Variants in RBFOX1 observed in about 807,000 individuals in gnomAD.
The protein encoded by RBFOX1 is RNA binding fox-1 homolog 1.
A neutral mutation model predicts 57.7 loss-of-function variants in RBFOX1; 8 were observed. The ratio of observed to expected loss-of-function variants is 0.14; its 90% CI spans 0.08 to 0.25. The LOEUF (loss-of-function observed/expected upper bound fraction) is 0.25. Ranked by LOEUF, RBFOX1 falls within the 10% of genes least tolerant of loss-of-function variation. The pLI is 1.00. For missense variants in RBFOX1, 611 were observed against 548.5 expected, an observed-to-expected ratio of 1.11 and a Z score of -1.14; for synonymous variants, 326 against 222.4, an observed-to-expected ratio of 1.47 and a Z score of -4.15.
intron 3 of RBFOX1, among the ~76,000 whole-genome samples, chr16:6,797,218 C>G (rs565500726): frequency 1.3e-5 from 2 of 152,244 alleles, no homozygotes; most frequent in South Asian, 2.1e-4. Flanking sequence ...GGAATCTGTC[C>G]AAATTGGCCG....
intron 2 of RBFOX1, among the ~76,000 whole-genome samples, chr16:6,385,521 G>A (rs1022467418): frequency 2.0e-5 from 3 of 152,068 alleles, no homozygotes; most frequent in Admixed American, 1.3e-4. Context: ...CACCACACCC[G>A]GATAATTTTT....
At chr16:6,254,840 C>G (rs937946917) in intron 1 of RBFOX1, among the ~76,000 whole-genome samples, 1 of 152,134 alleles carries the variant, frequency 6.6e-6, no homozygotes, top group African/African-American at 2.4e-5. Flanking sequence ...TGTCCTCTTT[C>G]CTGCCCTGTT....
intron 1 of RBFOX1, among the ~76,000 whole-genome samples, chr16:5,383,174 C>G (rs966640181): frequency 2.0e-4 from 30 of 152,162 alleles, no homozygotes; most frequent in African/African-American, 7.0e-4. Context: ...GGAGACACAG[C>G]CAACAAGTCT....
intron 4 of RBFOX1, among the ~76,000 whole-genome samples, chr16:7,318,453 A>T (rs921913286): frequency 6.6e-6 from 1 of 152,108 alleles, no homozygotes; most frequent in Non-Finnish European, 1.5e-5. Context: ...CTGGCTTCAG[A>T]TTTGGTTCAA....
chr16:6,084,738 G>A (rs8063194), intron 1 of RBFOX1, among the ~76,000 whole-genome samples: 7,784 of 152,002 alleles, frequency 0.051, 450 homozygotes, highest in African/African-American at 0.14. Flanking sequence ...TATTCAGAGG[G>A]CCCACCTCTT....
intron 4 of RBFOX1, among the ~76,000 whole-genome samples, chr16:7,388,277 C>T (rs1305601662): frequency 2.0e-5 from 3 of 152,068 alleles, no homozygotes; most frequent in Non-Finnish European, 4.4e-5. Flanking sequence ...TCGGGAAAAT[C>T]CTCAGAAGAA....
Position 7,258,714 on chromosome 16 carries a change from C to T in RBFOX1, c.27+206616C>T, listed in dbSNP as rs1311087184. The stretch of plus-strand genomic sequence containing the variant: ...GTCATGGTTGCTGTTCTATTAGAGC[C>T]ATTTAATCTCATTTGTCTCCCCATT... On this transcript the variant is annotated intron_variant, in intron 4 of 15. Transcript: ENST00000550418. 2.6e-5 allele frequency among the ~76,000 whole-genome samples: 4 copies of T among 152,128 alleles called. No homozygotes were observed. The East Asian group carries it at 7.7e-4, about 29-fold the overall frequency.
chr16:6,896,672 C>T (rs566520302), intron 3 of RBFOX1, among the ~76,000 whole-genome samples: 25 of 152,258 alleles, frequency 1.6e-4, no homozygotes, highest in Admixed American at 1.4e-3. Flanking sequence ...TCATCAACGC[C>T]ATATAAGTGC....
chr16:7,088,686 G>C (rs937617025), intron 4 of RBFOX1, among the ~76,000 whole-genome samples: 3 of 152,064 alleles, frequency 2.0e-5, no homozygotes, highest in African/African-American at 7.2e-5. Context: ...ATTATGTTTT[G>C]GGAGACAAAT....
At chr16:6,757,858 G>A (rs762970211) in intron 3 of RBFOX1, among the ~76,000 whole-genome samples, 1 of 152,144 alleles carries the variant, frequency 6.6e-6, no homozygotes, top group Non-Finnish European at 1.5e-5. Context: ...CAATTACCCT[G>A]ATCATAACAC....
chr16:7,338,552 C>G (rs753515254), intron 4 of RBFOX1, among the ~76,000 whole-genome samples: 2 of 152,036 alleles, frequency 1.3e-5, no homozygotes, highest in African/African-American at 2.4e-5. Flanking sequence ...CTATGCTCAG[C>G]TTTTTTAAAA....
Position 7,459,355 on chromosome 16 carries a change from G to A in RBFOX1, c.28-58792G>A, listed in dbSNP as rs187984143. ...ACTTGGCATGGGCAATTGTTACCTTGCACTTGCCATTTTGTACAAAAGTAT... is the reference window on the plus strand; with the variant it reads ...ACTTGGCATGGGCAATTGTTACCTTACACTTGCCATTTTGTACAAAAGTAT... On this transcript the variant is annotated intron_variant, in intron 4 of 15. Transcript: ENST00000550418. 2.1e-3 allele frequency among the ~76,000 whole-genome samples: 320 copies of A among 152,286 alleles called. 2 individuals are homozygous for A. The highest frequency in any genetic ancestry group is 7.4e-3 in the African/African-American group (306 of 41,542).
chr16:5,909,090 C>CGTTTCTTTTTTT (rs1567135376), intron 4 of RBFOX1, among the ~76,000 whole-genome samples: 2 of 116,386 alleles, frequency 1.7e-5, no homozygotes, highest in African/African-American at 6.9e-5. Context: ...CTAAGCCCCC[C>CGTTTCTTTTTTT]TTTTTTTTTT....
intron 4 of RBFOX1, among the ~76,000 whole-genome samples, chr16:7,189,421 C>T (rs911909221): frequency 1.0e-5 from 1 of 96,026 alleles, no homozygotes; most frequent in Non-Finnish European, 1.9e-5. Flanking sequence ...GCGAGACTCC[C>T]TCTCAAAAAA....
chr16:7,409,287 G>A (rs150150275), intron 4 of RBFOX1, among the ~76,000 whole-genome samples: 1 of 152,210 alleles, frequency 6.6e-6, no homozygotes, highest in Admixed American at 6.5e-5. Context: ...TCTGCCTGTA[G>A]CTTTGTTCTG....
chr16:7,493,593 A>G (rs1275403583), intron 4 of RBFOX1, among the ~76,000 whole-genome samples: 1 of 137,176 alleles, frequency 7.3e-6, no homozygotes, highest in Non-Finnish European at 1.6e-5. Flanking sequence ...AGAGTCAGAG[A>G]GGAAGAAAAT....
intron 4 of RBFOX1, among the ~76,000 whole-genome samples, chr16:7,256,134 A>T (rs1293744528): frequency 6.6e-6 from 1 of 152,244 alleles, no homozygotes; most frequent in African/African-American, 2.4e-5. Context: ...CACTGTTAAA[A>T]ATAAATACAT....
chr16:6,954,312 A>G (rs1295854564), intron 3 of RBFOX1, among the ~76,000 whole-genome samples: 2 of 152,122 alleles, frequency 1.3e-5, no homozygotes, highest in African/African-American at 4.8e-5. Context: ...TTGCTTATTT[A>G]TGGCGTTTTA....
At chr16:6,132,234 C>G (rs115486637) in intron 1 of RBFOX1, among the ~76,000 whole-genome samples, 3 of 152,122 alleles carry the variant, frequency 2.0e-5, no homozygotes, top group African/African-American at 7.2e-5. Flanking sequence ...CAATGCTCAG[C>G]AAGTATTCCC....
Sources: gnomAD v4.1 joint callset for allele counts (sites outside exome capture counted in the v4.1 genomes callset) on GRCh38, gnomAD v4.1.1 for gene constraint, MANE v1.5 for transcripts, NCBI Gene and HGNC (gene_info 2026-07-23, HGNC 2026-07-21) for gene names.